The following SCARA3 variants were observed in gnomAD, a reference collection of about 807,000 sequenced individuals.
The protein encoded by SCARA3 is cellular stress response gene protein.
In SCARA3, 39 loss-of-function variants were observed where a neutral mutation model predicts 47.0. The ratio of observed to expected loss-of-function variants is 0.83; its 90% CI spans 0.64 to 1.08. The LOEUF is 1.08. Among genes scored for constraint, SCARA3 ranks in the 50% least tolerant of loss-of-function variants. The pLI is 0.00. For synonymous variants in SCARA3, 356 were observed against 334.1 expected (o/e 1.07, Z -0.71); for missense variants, 724 against 792.3 (o/e 0.91, Z 1.04).
At chr8:27,689,384 G>A in the SCARA3 span, among the ~76,000 whole-genome samples, 2 of 152,158 alleles carry the variant, frequency 1.3e-5, no homozygotes, top group African/African-American at 4.8e-5. Flanking sequence ...GAGGAACGAG[G>A]AAGGGAAACG....
At chr8:27,663,487 C>T (rs1267785395) in intron 5 of SCARA3, among the ~76,000 whole-genome samples, 8 of 152,196 alleles carry the variant, frequency 5.3e-5, no homozygotes, top group African/African-American at 1.9e-4. Context: ...ACATGTACAC[C>T]ACTTCCATCT....
At chr8:27,642,927 G>A (rs1801413672) in intron 1 of SCARA3, among the ~76,000 whole-genome samples, 1 of 152,180 alleles carries the variant, frequency 6.6e-6, no homozygotes, top group Non-Finnish European at 1.5e-5. Flanking sequence ...TTGGTGCTGT[G>A]GACAGAGAGG....
At chr8:27,649,639 TA>T in intron 1 of SCARA3, 62 bp from the exon 2 acceptor site, 2 of 1,496,676 alleles carry the variant, frequency 1.3e-6, no homozygotes, top group Non-Finnish European at 9.3e-7. Context: ...GACAGGTAAA[TA>T]AAAGGGGCTG....
chr8:27,677,133 C>T (rs1264329213), downstream of SCARA3, among the ~76,000 whole-genome samples: 1 of 152,200 alleles, frequency 6.6e-6, no homozygotes, highest in African/African-American at 2.4e-5. Context: ...ACTCATTCAA[C>T]AAATAGTTCT....
At chr8:27,634,305 A>G in intron 1 of SCARA3, 98 bp downstream of exon 1, 3 of 1,112,774 alleles carry the variant, frequency 2.7e-6, no homozygotes, top group Non-Finnish European at 2.3e-6. Flanking sequence ...CGAGGCTGAG[A>G]GGAGGGCAGG....
At chr8:27,678,091 A>G (rs1285507624), downstream of SCARA3, among the ~76,000 whole-genome samples, 1 of 152,236 alleles carries the variant, frequency 6.6e-6, no homozygotes, top group Non-Finnish European at 1.5e-5. Context: ...GTATTAGAAA[A>G]CAAGAAAGTT....
At chr8:27,710,013 G>A in the SCARA3 span, among the ~76,000 whole-genome samples, 2 of 152,120 alleles carry the variant, frequency 1.3e-5, no homozygotes, top group Non-Finnish European at 2.9e-5. Context: ...GGCGGATCAT[G>A]AGGTCAGGAG....
At chr8:27,677,468 GT>G (rs1377466035), downstream of SCARA3, among the ~76,000 whole-genome samples, 1 of 152,180 alleles carries the variant, frequency 6.6e-6, no homozygotes, top group East Asian at 1.9e-4. Flanking sequence ...GTATACAGTG[GT>G]GGGGAATTTT....
intron 1 of SCARA3, among the ~76,000 whole-genome samples, chr8:27,635,038 C>G (rs949490521): frequency 6.6e-6 from 1 of 152,166 alleles, no homozygotes. Flanking sequence ...CTGTAACACC[C>G]CCAGCAGATG....
chr8:27,727,483 T>C, the SCARA3 span, among the ~76,000 whole-genome samples: 3 of 152,168 alleles, frequency 2.0e-5, no homozygotes, highest in African/African-American at 7.2e-5. Flanking sequence ...GTATCCACAC[T>C]GGATAATACT....
At chr8:27,649,829 C>CT in intron 2 of SCARA3, 29 bp downstream of exon 2, 1 of 1,572,206 alleles carries the variant, frequency 6.4e-7, no homozygotes, top group Non-Finnish European at 8.7e-7. Context: ...CCCCTGATCT[C>CT]CGCTCTGGGC....
At chr8:27,656,147 A>G (rs1024553267) in intron 3 of SCARA3, among the ~76,000 whole-genome samples, 1 of 152,250 alleles carries the variant, frequency 6.6e-6, no homozygotes, top group African/African-American at 2.4e-5. Flanking sequence ...TGAGTATGGT[A>G]CAATAAGATA....
intron 3 of SCARA3, among the ~76,000 whole-genome samples, chr8:27,654,307 AT>A (rs1329900255): frequency 6.6e-6 from 1 of 152,226 alleles, no homozygotes. Flanking sequence ...CAGCCCCAAA[AT>A]ATACCTATTT....
chr8:27,680,900 T>G (rs1802345721), downstream of SCARA3, among the ~76,000 whole-genome samples: 1 of 152,212 alleles, frequency 6.6e-6, no homozygotes, highest in South Asian at 2.1e-4. Flanking sequence ...AAAAATAATT[T>G]GATCATCTCA....
At chr8:27,642,477 C>T (rs142421491) in intron 1 of SCARA3, among the ~76,000 whole-genome samples, 7 of 152,136 alleles carry the variant, frequency 4.6e-5, no homozygotes, top group African/African-American at 9.7e-5. Context: ...GGTGCCCATG[C>T]GAGACAGGGT....
chr8:27,718,184 T>G, the SCARA3 span, among the ~76,000 whole-genome samples: 1 of 152,238 alleles, frequency 6.6e-6, no homozygotes, highest in Non-Finnish European at 1.5e-5. Context: ...ACCTTCTCTG[T>G]GGAAAACTCC....
chr8:27,696,037 A>G, the SCARA3 span, among the ~76,000 whole-genome samples: 1 of 150,888 alleles, frequency 6.6e-6, no homozygotes, highest in South Asian at 2.1e-4. Context: ...TTTTTTTTTG[A>G]GACAAGATTT....
rs752650971 is a variant in SCARA3, at chr8:27,658,507, C to G, written c.337C>G (p.Leu113Val). The G allele has an allele frequency of 1.0e-4, 161 of 1,608,186 alleles. 1 individual carries two copies. The highest frequency in any genetic ancestry group is 1.3e-4 in the Non-Finnish European group (156 of 1,177,388). Residue 113 changes from leucine to valine, a missense_variant, in exon 5 of 6, where the codon CTG becomes GTG. Leu to Val is a conservative substitution (Grantham distance 32). Coordinates refer to ENST00000301904, the MANE Select transcript of SCARA3 (RefSeq NM_016240.3). Reference sequence around the variant, plus strand: ...CCTTTCCCCTAAAGATCCGAAAGCCCTGAACAACTGCTCTTTCTGCCATGA... The same window carrying G: ...CCTTTCCCCTAAAGATCCGAAAGCCGTGAACAACTGCTCTTTCTGCCATGA... ...KNLQGLDPKALNNCSFCHEAG... is the reference protein window; with the variant it reads ...KNLQGLDPKAVNNCSFCHEAG...
chr8:27,669,066 G>A (rs536984380), intron 5 of SCARA3, among the ~76,000 whole-genome samples: 3 of 152,086 alleles, frequency 2.0e-5, no homozygotes, highest in Non-Finnish European at 4.4e-5. Flanking sequence ...CCCAGAAGGC[G>A]AGAGTGGAGA....
Sources: allele counts gnomAD v4.1 joint callset (sites outside exome capture counted in the v4.1 genomes callset), GRCh38; gene constraint gnomAD v4.1.1; transcripts MANE v1.5; gene names NCBI Gene and HGNC (gene_info 2026-07-23, HGNC 2026-07-21).